The following TENM4 variants were observed in gnomAD, a reference collection of about 807,000 sequenced individuals.
TENM4 encodes teneurin transmembrane protein 4, also known as teneurin-4.
A neutral mutation model predicts 243.3 loss-of-function variants in TENM4; 82 were observed. The observed-to-expected ratio is 0.34, with a 90% CI of 0.28 to 0.40. The LOEUF (loss-of-function observed/expected upper bound fraction) is 0.40. Ranked by LOEUF, TENM4 falls within the 10% of genes least tolerant of loss-of-function variation. TENM4 has a pLI of 1.00. For synonymous variants in TENM4, 1,412 were observed against 1,456.3 expected (o/e 0.97, Z 0.69); for missense variants, 3,138 against 3,673.3 (o/e 0.85, Z 3.77).
intron 7 of TENM4, among the ~76,000 whole-genome samples, chr11:78,900,742 A>G (rs1031424956): frequency 6.6e-6 from 1 of 152,186 alleles, no homozygotes; most frequent in African/African-American, 2.4e-5. Flanking sequence ...AAGCCAAGGC[A>G]GGTATGAAGG....
At chr11:78,687,668 G>A (rs1473639492) in intron 29 of TENM4, among the ~76,000 whole-genome samples, 1 of 152,176 alleles carries the variant, frequency 6.6e-6, no homozygotes, top group East Asian at 1.9e-4. Flanking sequence ...CTTCAGGAAG[G>A]ACTTCTCCAT....
Position 78,830,335 on chromosome 11 carries a change from A to T in TENM4, c.1682-15940T>A, listed in dbSNP as rs867044682. On this transcript the variant is annotated intron_variant, in intron 12 of 33. Transcript: ENST00000278550. ...ATGACTGGGCCTGATCCATCAGTAC[A>T]GCCAGGGGCTGGGCCCAGCAGCCCA... Among the ~76,000 whole-genome samples, 6 of 152,170 alleles carry T rather than the reference A, an allele frequency of 3.9e-5. No individual in the cohort carries two copies. The South Asian group carries it at 6.2e-4, about 16-fold the overall frequency.
At chr11:79,377,853 A>C (rs1857922877) in intron 1 of TENM4, among the ~76,000 whole-genome samples, 2 of 151,226 alleles carry the variant, frequency 1.3e-5, no homozygotes, top group South Asian at 2.1e-4. Context: ...ACACAAGCCA[A>C]AAAACAAAAC....
chr11:79,196,422 G>C (rs577739897), intron 3 of TENM4, among the ~76,000 whole-genome samples: 3 of 152,106 alleles, frequency 2.0e-5, no homozygotes, highest in African/African-American at 7.2e-5. Flanking sequence ...AAGCTACTAT[G>C]GAAGTCCACA....
rs61884092 is a variant in TENM4 at position 79,438,647 on chromosome 11, C to A, written c.-321+1862G>T. 0.077 allele frequency among the ~76,000 whole-genome samples: 11,748 copies of A among 152,196 alleles called. 523 individuals carry two copies. The highest frequency in any genetic ancestry group is 0.11 in the East Asian group (581 of 5,170). ...ACAGGGCTTGAAAGACAAGGAGGGG[C>A]GCCCAGGAAGGGCGGAAAAGAGGGG... On this transcript the variant is annotated intron_variant, in intron 1 of 33. Transcript: ENST00000278550. This position sits in a 1 kb window ranked among gnomAD's most constrained non-coding sequence, Gnocchi z 4.1.
At chr11:79,364,474 A>G (rs961791927) in intron 1 of TENM4, among the ~76,000 whole-genome samples, 4 of 152,184 alleles carry the variant, frequency 2.6e-5, no homozygotes, top group African/African-American at 9.7e-5. Flanking sequence ...TCCAAAATTC[A>G]TGTAGCTCTA....
At chr11:78,743,629 G>A (rs1012592260) in intron 19 of TENM4, among the ~76,000 whole-genome samples, 8 of 152,110 alleles carry the variant, frequency 5.3e-5, no homozygotes, top group African/African-American at 1.9e-4. Flanking sequence ...CAAGGCTTGG[G>A]TACCTTCCCC....
chr11:78,874,191 A>G (rs949773655), intron 9 of TENM4, among the ~76,000 whole-genome samples: 1 of 152,084 alleles, frequency 6.6e-6, no homozygotes, highest in Non-Finnish European at 1.5e-5. Context: ...GGCCCTTACC[A>G]GCTGTGCATC....
chr11:79,310,928 A>T (rs1856709196), intron 1 of TENM4, among the ~76,000 whole-genome samples: 1 of 152,218 alleles, frequency 6.6e-6, no homozygotes, highest in Non-Finnish European at 1.5e-5. Flanking sequence ...AGCCTTTTTT[A>T]AAAAATAAAT....
At position 78,903,215 on chromosome 11, in the gene TENM4, C is replaced by T. The variant is rs57834986; in HGVS notation, c.749+53G>A. 8,004 of 1,463,386 alleles carry T rather than the reference C, an allele frequency of 5.5e-3. 250 individuals are homozygous for T. The African/African-American group carries it at 0.071, about 13-fold the overall frequency. 90.7% of individuals were successfully genotyped at this position (1,463,386 alleles called of 1,614,324 possible). On this transcript the variant is annotated intron_variant, in intron 7 of 33. Transcript: ENST00000278550. ...GCCCCGCCAGCCAAAGACCTTGGTCCGGGCCCCGGGTGCCCACCCTCCTCA... is the reference window on the plus strand; with the variant it reads ...GCCCCGCCAGCCAAAGACCTTGGTCTGGGCCCCGGGTGCCCACCCTCCTCA...
chr11:79,399,437 C>A (rs904188414), intron 1 of TENM4, among the ~76,000 whole-genome samples: 1 of 152,088 alleles, frequency 6.6e-6, no homozygotes, highest in African/African-American at 2.4e-5. Context: ...GGAAGAAGAA[C>A]TGGGGAGTGG....
At chr11:79,007,473 A>T (rs1286945147) in intron 6 of TENM4, among the ~76,000 whole-genome samples, 1 of 152,110 alleles carries the variant, frequency 6.6e-6, no homozygotes, top group Non-Finnish European at 1.5e-5. Flanking sequence ...TTAGTGTGGA[A>T]AGCAGTGGCT....
chr11:79,132,871 C>T (rs1862040393), intron 4 of TENM4, among the ~76,000 whole-genome samples: 1 of 151,988 alleles, frequency 6.6e-6, no homozygotes, highest in Admixed American at 6.6e-5. Context: ...AGTTCATAGC[C>T]CTAAACACCT....
intron 2 of TENM4, among the ~76,000 whole-genome samples, chr11:79,286,385 C>T (rs1366183378): frequency 6.6e-6 from 1 of 151,644 alleles, no homozygotes; most frequent in East Asian, 1.9e-4. Flanking sequence ...GGCACGGTGG[C>T]TCATACCTGT....
At chr11:78,779,918 A>G (rs1688727134) in intron 16 of TENM4, among the ~76,000 whole-genome samples, 1 of 152,248 alleles carries the variant, frequency 6.6e-6, no homozygotes, top group Non-Finnish European at 1.5e-5. Flanking sequence ...ATCACTATAT[A>G]TTAGCCTCAA....
At chr11:79,001,468 C>A (rs1012652853) in intron 6 of TENM4, among the ~76,000 whole-genome samples, 1 of 134,848 alleles carries the variant, frequency 7.4e-6, no homozygotes, top group Non-Finnish European at 1.6e-5. Context: ...AGAATCCTGG[C>A]AGCAGGAGAC....
intron 1 of TENM4, among the ~76,000 whole-genome samples, chr11:79,364,268 C>T (rs562455557): frequency 1.6e-4 from 24 of 152,332 alleles, no homozygotes; most frequent in South Asian, 1.2e-3. Flanking sequence ...GCAGTGAATA[C>T]GACAGACACA....
chr11:78,879,417 T>C (rs1383980969), intron 9 of TENM4, among the ~76,000 whole-genome samples: 11 of 150,104 alleles, frequency 7.3e-5, no homozygotes, highest in East Asian at 4.0e-4. Context: ...GGAGTGCCTC[T>C]GCCCGGCCGC....
chr11:79,439,923 C>A (rs1297218102), intron 1 of TENM4, among the ~76,000 whole-genome samples: 2 of 152,002 alleles, frequency 1.3e-5, no homozygotes, highest in Non-Finnish European at 1.5e-5. Flanking sequence ...CGCGGCCGGG[C>A]GCCCGGTGAG....
Sources: allele counts gnomAD v4.1 joint callset (sites outside exome capture counted in the v4.1 genomes callset), GRCh38; gene constraint gnomAD v4.1.1; non-coding constraint Gnocchi (gnomAD v3.1); transcripts MANE v1.5; gene names NCBI Gene and HGNC (gene_info 2026-07-23, HGNC 2026-07-21).